NUS1: variants seen among roughly 807,000 people sequenced by gnomAD.
The protein encoded by NUS1 is dehydrodolichyl diphosphate synthase complex subunit NUS1.
For missense variants in NUS1, 292 were observed against 382.9 expected (o/e 0.76, Z 1.98); for synonymous variants, 135 against 155.2 (o/e 0.87, Z 0.97).
chr6:117,707,934 G>A lies in NUS1; in HGVS notation c.*919G>A, dbSNP rs1311767039. On this transcript the variant is annotated 3_prime_UTR_variant, in exon 5 of 5. Coordinates refer to ENST00000368494, the MANE Select transcript of NUS1 (RefSeq NM_138459.5). ...TATTTCCTTTTTTGTTTGATGGGCAGTATGCCATATTATACCCAAAGTTCT... is the reference window on the plus strand; with the variant it reads ...TATTTCCTTTTTTGTTTGATGGGCAATATGCCATATTATACCCAAAGTTCT... 1.3e-5 allele frequency: 2 copies of A among 152,230 alleles called. No individual in the cohort carries two copies. The highest frequency in any genetic ancestry group is 4.8e-5 in the African/African-American group (2 of 41,438). 9.4% of individuals were successfully genotyped at this position (152,230 alleles called of 1,614,324 possible).
intron 1 of NUS1, among the ~76,000 whole-genome samples, chr6:117,677,452 A>G (rs1773000361): frequency 6.6e-6 from 1 of 152,200 alleles, no homozygotes; most frequent in Admixed American, 6.5e-5. Context: ...AATTTCTTTA[A>G]AGATGTGAGA....
At position 117,675,727 on chromosome 6, in the gene NUS1, C is replaced by T. The variant is rs974335534; in HGVS notation, c.57C>T (p.His19=). The change falls in exon 1 of 5, where the codon CAC becomes CAT. Residue 19 remains histidine (H), a synonymous_variant. Coordinates refer to ENST00000368494, the MANE Select transcript of NUS1 (RefSeq NM_138459.5). The part of the protein sequence containing the change: ...WRVLHALLCL[H]RTLTSWLRVR... ...TGCTGCACGCGCTGCTCTGTCTGCACCGCACGCTCACCTCCTGGCTCCGCG... is the reference window on the plus strand; with the variant it reads ...TGCTGCACGCGCTGCTCTGTCTGCATCGCACGCTCACCTCCTGGCTCCGCG... The T allele has an allele frequency of 1.9e-5, 29 of 1,529,776 alleles. No homozygotes were observed. Among genetic ancestry groups the T allele is most frequent in the Non-Finnish European group, 2.4e-5 (27 of 1,138,980 alleles). 94.8% of individuals were successfully genotyped at this position (1,529,776 alleles called of 1,614,324 possible).
Position 117,675,584 on chromosome 6 carries a change from C to T in NUS1, c.-87C>T. On this transcript the variant is annotated 5_prime_UTR_variant, in exon 1 of 5. Coordinates refer to ENST00000368494, the MANE Select transcript of NUS1 (RefSeq NM_138459.5). ...GGGGCGGGGGGACGCGGAGCGATGG[C>T]CCGCGCCGGCCGCAGGGGCGGATAA... The T allele has an allele frequency of 2.2e-6, 3 of 1,393,246 alleles. No individual in the cohort carries two copies. The highest frequency in any genetic ancestry group is 1.4e-5 in the African/African-American group (1 of 70,052). The allele number at this position is 1,393,246 out of a possible 1,614,324, so 86.3% of individuals were successfully genotyped here.
intron 1 of NUS1, among the ~76,000 whole-genome samples, chr6:117,686,852 A>ATGTGTGTGTGTG (rs56080181): frequency 7.2e-6 from 1 of 139,308 alleles, no homozygotes; most frequent in East Asian, 2.1e-4. Flanking sequence ...TGAAGTGTGT[A>ATGTGTGTGTGTG]TGTGTGTGTG....
intron 3 of NUS1, among the ~76,000 whole-genome samples, chr6:117,700,965 G>T (rs1189753039): frequency 6.6e-6 from 1 of 151,662 alleles, no homozygotes; most frequent in Non-Finnish European, 1.5e-5. Flanking sequence ...AGATAATGGG[G>T]GAGTGAGCCA....
intron 1 of NUS1, among the ~76,000 whole-genome samples, chr6:117,681,958 G>T (rs1773068159): frequency 6.6e-6 from 1 of 152,074 alleles, no homozygotes; most frequent in Non-Finnish European, 1.5e-5. Context: ...TCAGCCTCCT[G>T]AGTAACTGGG....
intron 3 of NUS1, among the ~76,000 whole-genome samples, chr6:117,697,554 G>C (rs917077199): frequency 6.6e-6 from 1 of 151,960 alleles, no homozygotes; most frequent in African/African-American, 2.4e-5. Context: ...TCTAAGAAGA[G>C]ACCAAGAAGT....
intron 1 of NUS1, among the ~76,000 whole-genome samples, chr6:117,682,266 T>C (rs1773072487): frequency 6.6e-6 from 1 of 152,198 alleles, no homozygotes; most frequent in Admixed American, 6.5e-5. Context: ...TTATTCTCTA[T>C]GTACCCTTTT....
chr6:117,707,400 C>T lies in NUS1; in HGVS notation c.*385C>T, dbSNP rs1367893321. The T allele has an allele frequency of 2.4e-5, 4 of 166,204 alleles. No homozygotes were observed. Among genetic ancestry groups the T allele is most frequent in the Admixed American group, 5.9e-5 (1 of 16,882 alleles). The allele number at this position is 166,204 out of a possible 1,614,324, so 10.3% of individuals were successfully genotyped here. A position where few individuals can be genotyped will look rare whatever the true frequency, so the allele number is the denominator to read the frequency against. On this transcript the variant is annotated 3_prime_UTR_variant, in exon 5 of 5. Coordinates refer to ENST00000368494, the MANE Select transcript of NUS1 (RefSeq NM_138459.5). ...TTAGAACTGTTCTGGTTGTGTTTGG[C>T]GGGAGGGGAATAATTTTTGTTCAGT...
At chr6:117,694,764 T>C (rs1773291400) in intron 3 of NUS1, among the ~76,000 whole-genome samples, 2 of 152,244 alleles carry the variant, frequency 1.3e-5, no homozygotes, top group African/African-American at 4.8e-5. Context: ...TCTTCTTGCT[T>C]ACTAGCATTA....
chr6:117,691,630 A>T (rs1773223025), intron 1 of NUS1, among the ~76,000 whole-genome samples: 1 of 146,684 alleles, frequency 6.8e-6, no homozygotes, highest in African/African-American at 2.5e-5. Context: ...TTGATTGTTT[A>T]ATTATATATT....
rs138252799 is a variant in NUS1, at chr6:117,679,857, G to T, written c.415+3772G>T. Among the ~76,000 whole-genome samples, 275 of 152,302 alleles carry T rather than the reference G, an allele frequency of 1.8e-3. 1 individual carries two copies. The highest frequency in any genetic ancestry group is 6.3e-3 in the African/African-American group (260 of 41,568). ...CTCACATCTGTTCTGCATCAAGAAA[G>T]TGGAGAAATGGACTTCACCTCTCAA... On this transcript the variant is annotated intron_variant, in intron 1 of 4. Coordinates refer to ENST00000368494, the MANE Select transcript of NUS1 (RefSeq NM_138459.5).
rs974335534 is a variant in NUS1, at chr6:117,675,727, C to G, written c.57C>G (p.His19Gln). Reference protein sequence around the residue: ...WRVLHALLCLHRTLTSWLRVR... With the variant: ...WRVLHALLCLQRTLTSWLRVR... The stretch of plus-strand genomic sequence containing the variant: ...TGCTGCACGCGCTGCTCTGTCTGCA[C>G]CGCACGCTCACCTCCTGGCTCCGCG... The change falls in exon 1 of 5, where the codon CAC (histidine) becomes CAG (glutamine). Residue 19 changes from histidine (H) to glutamine (Q), a missense_variant. Coordinates refer to ENST00000368494, the MANE Select transcript of NUS1 (RefSeq NM_138459.5). 5.9e-6 allele frequency: 9 copies of G among 1,529,776 alleles called. No individual in the cohort carries two copies. Among genetic ancestry groups the G allele is most frequent in the Non-Finnish European group, 7.9e-6 (9 of 1,138,980 alleles). The allele number at this position is 1,529,776 out of a possible 1,614,324, so 94.8% of individuals were successfully genotyped here.
chr6:117,694,116 G>C lies in NUS1; in HGVS notation c.627G>C (p.Gln209His). 1.2e-6 allele frequency: 2 copies of C among 1,612,742 alleles called. No homozygotes were observed. Among genetic ancestry groups the C allele is most frequent in the Non-Finnish European group, 1.7e-6 (2 of 1,179,200 alleles). Reference sequence around the variant, plus strand: ...TAAGAGCTGCTCAGGACTTTTGCCAGTTAGTAGCCCAGAAGCAAAAGAGAC... The same window carrying C: ...TAAGAGCTGCTCAGGACTTTTGCCACTTAGTAGCCCAGAAGCAAAAGAGAC... The part of the protein sequence containing the change: ...DIVRAAQDFC[Q>H]LVAQKQKRPT... Residue 209 changes from glutamine (Q) to histidine (H), a missense_variant, in exon 3 of 5, where the codon CAG becomes CAC. Gln to His is a conservative substitution (Grantham distance 24, BLOSUM62 0). Coordinates refer to ENST00000368494, the MANE Select transcript of NUS1 (RefSeq NM_138459.5).
At chr6:117,685,908 G>C (rs911866023) in intron 1 of NUS1, among the ~76,000 whole-genome samples, 13 of 151,344 alleles carry the variant, frequency 8.6e-5, no homozygotes, top group Non-Finnish European at 1.9e-4. Context: ...GTTGCAGTGA[G>C]CCGAGATCGC....
intron 1 of NUS1, among the ~76,000 whole-genome samples, chr6:117,679,110 A>T (rs1222129418): frequency 6.6e-6 from 1 of 152,236 alleles, no homozygotes; most frequent in Admixed American, 6.5e-5. Flanking sequence ...GGTGTCTCTT[A>T]AAGAGTTTCC....
intron 1 of NUS1, among the ~76,000 whole-genome samples, chr6:117,692,489 C>T (rs1450097458): frequency 2.0e-5 from 3 of 151,980 alleles, no homozygotes; most frequent in Non-Finnish European, 4.4e-5. Flanking sequence ...ATACATTGTT[C>T]TTTGTATTTT....
intron 3 of NUS1, among the ~76,000 whole-genome samples, chr6:117,703,384 T>C (rs1405496936): frequency 1.3e-5 from 2 of 152,204 alleles, no homozygotes; most frequent in Non-Finnish European, 2.9e-5. Context: ...AAACAGACTT[T>C]TGAGAAAACT....
intron 1 of NUS1, among the ~76,000 whole-genome samples, chr6:117,688,512 C>T (rs1353985430): frequency 6.6e-6 from 1 of 151,712 alleles, no homozygotes; most frequent in African/African-American, 2.4e-5. Flanking sequence ...ACCTGCTGTC[C>T]TACTACCCCT....
Sources: allele counts gnomAD v4.1 joint callset (sites outside exome capture counted in the v4.1 genomes callset), GRCh38; gene constraint gnomAD v4.1.1; transcripts MANE v1.5; gene names NCBI Gene and HGNC (gene_info 2026-07-23, HGNC 2026-07-21).